ZNF251: variants seen among roughly 807,000 people sequenced by gnomAD.
ZNF251 encodes the protein zinc finger protein 251.
ZNF251 carries 14 observed loss-of-function variants against 13.5 expected under a neutral mutation model. That is an observed-to-expected ratio of 1.04 (90% CI 0.69 to 1.63). ZNF251 has a LOEUF of 1.63. Among genes scored for constraint, ZNF251 ranks in the 40% most tolerant of loss-of-function variants. ZNF251 has a pLI of 0.00. For synonymous variants in ZNF251, 287 were observed against 295.2 expected (o/e 0.97, Z 0.28); for missense variants, 764 against 834.9 (o/e 0.92, Z 1.05).
intron 4 of ZNF251, among the ~76,000 whole-genome samples, chr8:144,739,635 G>C (rs1370466706): frequency 6.6e-6 from 1 of 152,196 alleles, no homozygotes; most frequent in Non-Finnish European, 1.5e-5. Flanking sequence ...CATGTATTTT[G>C]ATGCTGTAAT....
chr8:144,731,260 A>T (rs1273709503), intron 4 of ZNF251, among the ~76,000 whole-genome samples: 4 of 152,224 alleles, frequency 2.6e-5, no homozygotes, highest in Non-Finnish European at 4.4e-5. Context: ...GACCACAAAC[A>T]GTGGCTATCA....
chr8:144,745,575 C>T (rs1824387044), intron 4 of ZNF251, among the ~76,000 whole-genome samples: 1 of 152,050 alleles, frequency 6.6e-6, no homozygotes, highest in Non-Finnish European at 1.5e-5. Context: ...GAGACAGGGT[C>T]TTGCTCTGTC....
intron 4 of ZNF251, among the ~76,000 whole-genome samples, chr8:144,727,730 C>G (rs1469024021): frequency 2.0e-5 from 3 of 152,194 alleles, no homozygotes; most frequent in Non-Finnish European, 4.4e-5. Flanking sequence ...GTCTCCATAT[C>G]AGCAATAAGG....
intron 4 of ZNF251, among the ~76,000 whole-genome samples, chr8:144,724,502 T>C (rs1441493270): frequency 6.6e-6 from 1 of 151,984 alleles, no homozygotes; most frequent in Non-Finnish European, 1.5e-5. Context: ...AGCCAAAATA[T>C]AACTTTTTTA....
At chr8:144,750,105 G>GT (rs943809716) in intron 4 of ZNF251, among the ~76,000 whole-genome samples, 61 of 151,792 alleles carry the variant, frequency 4.0e-4, no homozygotes, top group African/African-American at 1.4e-3. Context: ...GTTAATCATA[G>GT]TTTTAAAAAA....
At chr8:144,735,725 G>T (rs969737099) in intron 4 of ZNF251, among the ~76,000 whole-genome samples, 1 of 152,184 alleles carries the variant, frequency 6.6e-6, no homozygotes, top group Non-Finnish European at 1.5e-5. Flanking sequence ...CTGTAGAGTG[G>T]CCCTGGAGAC....
At chr8:144,746,408 T>G (rs945522313) in intron 4 of ZNF251, among the ~76,000 whole-genome samples, 1 of 152,240 alleles carries the variant, frequency 6.6e-6, no homozygotes, top group Non-Finnish European at 1.5e-5. Context: ...TTGTTGGGAT[T>G]TTTGCATTTA....
At chr8:144,740,887 G>C (rs566662219) in intron 4 of ZNF251, among the ~76,000 whole-genome samples, 2 of 151,956 alleles carry the variant, frequency 1.3e-5, no homozygotes, top group Non-Finnish European at 2.9e-5. Context: ...GAGCTGAGAT[G>C]GCGCCATCGC....
At chr8:144,745,615 T>G (rs1176312542) in intron 4 of ZNF251, among the ~76,000 whole-genome samples, 1 of 152,110 alleles carries the variant, frequency 6.6e-6, no homozygotes, top group East Asian at 1.9e-4. Context: ...GGCATGATCA[T>G]AACTTACTGA....
chr8:144,747,547 C>T (rs1187949278), intron 4 of ZNF251, among the ~76,000 whole-genome samples: 3 of 152,242 alleles, frequency 2.0e-5, no homozygotes, highest in African/African-American at 4.8e-5. Flanking sequence ...TGCTGGATCT[C>T]CAACTGCAGA....
At chr8:144,740,435 G>A (rs184372558) in intron 4 of ZNF251, among the ~76,000 whole-genome samples, 3 of 152,072 alleles carry the variant, frequency 2.0e-5, no homozygotes, top group South Asian at 2.1e-4. Flanking sequence ...TCAGGAGTTC[G>A]AGACCACCCT....
chr8:144,724,180 C>T (rs746500323), intron 4 of ZNF251, among the ~76,000 whole-genome samples: 6 of 145,700 alleles, frequency 4.1e-5, no homozygotes, highest in Admixed American at 1.4e-4. Flanking sequence ...GGAGGCGGAG[C>T]GAACCCGGGA....
chr8:144,746,921 T>C lies in ZNF251; in HGVS notation c.277+6762A>G, dbSNP rs547492483. 1.6e-4 allele frequency among the ~76,000 whole-genome samples: 25 copies of C among 152,328 alleles called. No individual in the cohort carries two copies. In the South Asian group the frequency reaches 5.2e-3, roughly 32 times the overall value. On this transcript the variant is annotated intron_variant, in intron 4 of 4. Transcript: ENST00000292562. ...ATTGTTTTTTCAAACCATCTTCTGGTTTCGTTGATTTTCTCTATTGATTTC... is the reference window on the plus strand; with the variant it reads ...ATTGTTTTTTCAAACCATCTTCTGGCTTCGTTGATTTTCTCTATTGATTTC...
At chr8:144,738,939 A>G (rs537398546) in intron 4 of ZNF251, among the ~76,000 whole-genome samples, 1 of 152,140 alleles carries the variant, frequency 6.6e-6, no homozygotes, top group Non-Finnish European at 1.5e-5. Context: ...ATGCAGGGTG[A>G]CACTTGAAAC....
chr8:144,725,383 T>G (rs1823490776), intron 4 of ZNF251, among the ~76,000 whole-genome samples: 1 of 152,024 alleles, frequency 6.6e-6, no homozygotes, highest in African/African-American at 2.4e-5. Flanking sequence ...CTTGAACTCT[T>G]GGGATCAAGT....
intron 4 of ZNF251, among the ~76,000 whole-genome samples, chr8:144,731,138 G>A (rs1343019026): frequency 6.6e-6 from 1 of 152,178 alleles, no homozygotes; most frequent in Non-Finnish European, 1.5e-5. Context: ...GGGATGCCTG[G>A]GCCATGAGCT....
chr8:144,735,314 G>C (rs538397514), intron 4 of ZNF251, among the ~76,000 whole-genome samples: 78 of 150,630 alleles, frequency 5.2e-4, no homozygotes, highest in African/African-American at 1.9e-3. Flanking sequence ...TTGAACCCAG[G>C]AGGCAGAGGT....
At chr8:144,733,467 G>A (rs773672233) in intron 4 of ZNF251, among the ~76,000 whole-genome samples, 5 of 152,212 alleles carry the variant, frequency 3.3e-5, no homozygotes, top group Admixed American at 2.6e-4. Flanking sequence ...TGAGGCCTCC[G>A]GCAGCGGCCT....
intron 4 of ZNF251, among the ~76,000 whole-genome samples, chr8:144,724,389 G>A (rs1823460964): frequency 6.6e-6 from 1 of 151,598 alleles, no homozygotes; most frequent in Non-Finnish European, 1.5e-5. Context: ...GGAGTGCCAC[G>A]GTGCAACCAC....
Sources: allele counts gnomAD v4.1 joint callset (sites outside exome capture counted in the v4.1 genomes callset), GRCh38; gene constraint gnomAD v4.1.1; transcripts MANE v1.5; gene names NCBI Gene and HGNC (gene_info 2026-07-23, HGNC 2026-07-21).